KNDC1: variants seen among roughly 807,000 people sequenced by gnomAD.
KNDC1 encodes kinase non-catalytic C-lobe domain-containing protein 1.
In KNDC1, 106 loss-of-function variants were observed where a neutral mutation model predicts 172.8. The ratio of observed to expected loss-of-function variants is 0.61; its 90% CI spans 0.52 to 0.72. The LOEUF (loss-of-function observed/expected upper bound fraction) is 0.72. Among genes scored for constraint, KNDC1 ranks in the 30% least tolerant of loss-of-function variants. The pLI, the probability that KNDC1 is intolerant of heterozygous loss-of-function variation, is 0.00. For synonymous variants in KNDC1, 1,083 were observed against 1,062.2 expected, an observed-to-expected ratio of 1.02 and a Z score of -0.38; for missense variants, 2,325 against 2,394.5, an observed-to-expected ratio of 0.97 and a Z score of 0.61.
rs552717419 is a variant in KNDC1 at position 133,181,167 on chromosome 10, C to T, written c.361-2177C>T. ...ACATGGGGCACCCACTGACGCCACACGGGGCACCCACAGATGCCACATGGG... is the reference window on the plus strand; with the variant it reads ...ACATGGGGCACCCACTGACGCCACATGGGGCACCCACAGATGCCACATGGG... On this transcript the variant is annotated intron_variant, in intron 3 of 29. Coordinates refer to ENST00000304613, the MANE Select transcript of KNDC1 (RefSeq NM_152643.8). Among the ~76,000 whole-genome samples, 15 of 151,842 alleles carry T rather than the reference C, an allele frequency of 9.9e-5. 1 individual carries two copies. The South Asian group carries it at 1.0e-3, about 11-fold the overall frequency.
At position 133,211,551 on chromosome 10, in the gene KNDC1, G is replaced by A. The variant is rs775607226; in HGVS notation, c.4038G>A (p.Glu1346=). The change falls in exon 22 of 30, where the codon GAG becomes GAA. Residue 1346 remains glutamate (E), a synonymous_variant. Coordinates refer to ENST00000304613, the MANE Select transcript of KNDC1 (RefSeq NM_152643.8). ...ACAGCGGGCTGCTGGGGAAGCTAGA[G>A]GACTTCATCTCCTCCAAGGTGACAG... The part of the protein sequence containing the change: ...PRNSGLLGKL[E]DFISSKILPL... 2.2e-5 allele frequency: 35 copies of A among 1,613,760 alleles called. No individual in the cohort carries two copies. Among genetic ancestry groups the A allele is most frequent in the Admixed American group, 5.0e-5 (3 of 59,974 alleles).
At position 133,198,505 on chromosome 10, in the gene KNDC1, C is replaced by A. The variant is rs2135995857; in HGVS notation, c.2069+6C>A. ...CAGAACGCAAGTGTGGCCAGGTGAGCATCGTCCCCACACCCCGGAGCTGCT... is the reference window on the plus strand; with the variant it reads ...CAGAACGCAAGTGTGGCCAGGTGAGAATCGTCCCCACACCCCGGAGCTGCT... On this transcript the variant is annotated splice_donor_region_variant and intron_variant, in intron 13 of 29. Transcript: ENST00000304613. 1 of 1,596,884 alleles carries A rather than the reference C, an allele frequency of 6.3e-7. No homozygotes were observed. Among genetic ancestry groups the A allele is most frequent in the Non-Finnish European group, 8.6e-7 (1 of 1,168,964 alleles).
chr10:133,210,760 TC>T (rs1172737648), intron 21 of KNDC1, 36 bp downstream of exon 21: 2 of 1,532,834 alleles, frequency 1.3e-6, no homozygotes, highest in East Asian at 4.5e-5. Context: ...CGCCAGAGCT[TC>T]CCCCTGGGGC....
intron 1 of KNDC1, among the ~76,000 whole-genome samples, chr10:133,166,728 G>A (rs1045235354): frequency 3.3e-5 from 5 of 150,832 alleles, no homozygotes; most frequent in African/African-American, 1.2e-4. Context: ...GTGCTAGGTG[G>A]GTATGTTTGT....
intron 9 of KNDC1, among the ~76,000 whole-genome samples, chr10:133,193,160 AT>A (rs1854105518): frequency 6.6e-6 from 1 of 152,258 alleles, no homozygotes; most frequent in African/African-American, 2.4e-5. Flanking sequence ...GAGGAAGTGC[AT>A]AGCATTTTTT....
intron 17 of KNDC1, chr10:133,202,233 T>C (rs1447104340): frequency 3.3e-6 from 2 of 605,174 alleles, no homozygotes; most frequent in Non-Finnish European, 6.2e-6. Context: ...GTGTTTTCCG[T>C]GGGGCAGGCA....
At position 133,201,737 on chromosome 10, in the gene KNDC1, G is replaced by A. The variant is rs760843915; in HGVS notation, c.3226G>A (p.Gly1076Ser). Residue 1076 changes from glycine (G) to serine (S), a missense_variant, in exon 17 of 30, where the codon GGC becomes AGC. Coordinates refer to ENST00000304613, the MANE Select transcript of KNDC1 (RefSeq NM_152643.8). ...CCGACTGGCCAGGTCCAAAGGGGTC[G>A]GCCCAGCCTTGTCCCCCGGCCCAGC... The part of the protein sequence containing the change: ...VTRLARSKGV[G>S]PALSPGPAGF... 46 of 1,589,318 alleles carry A rather than the reference G, an allele frequency of 2.9e-5. No individual in the cohort carries two copies. The highest frequency in any genetic ancestry group is 3.4e-5 in the Non-Finnish European group (40 of 1,167,236).
At chr10:133,166,297 AC>A (rs1225045974) in intron 1 of KNDC1, among the ~76,000 whole-genome samples, 1 of 151,798 alleles carries the variant, frequency 6.6e-6, no homozygotes, top group Non-Finnish European at 1.5e-5. Flanking sequence ...GCCCCCGGCC[AC>A]CCCCTCCTAC....
intron 1 of KNDC1, among the ~76,000 whole-genome samples, chr10:133,161,964 C>G (rs1852987481): frequency 1.3e-5 from 2 of 152,168 alleles, no homozygotes. Flanking sequence ...TGTCTTTCTG[C>G]ACACTCCCCA....
intron 3 of KNDC1, chr10:133,179,411 G>A (rs756597719): frequency 6.6e-6 from 1 of 152,262 alleles, no homozygotes; most frequent in Non-Finnish European, 1.5e-5. Context: ...GTCACCTCAA[G>A]TCCACTGGAA....
At chr10:133,197,484 C>G (rs1323783652) in intron 11 of KNDC1, among the ~76,000 whole-genome samples, 191 bp from the exon 12 acceptor site, 1 of 152,196 alleles carries the variant, frequency 6.6e-6, no homozygotes, top group African/African-American at 2.4e-5. Flanking sequence ...GCTTGGGAGG[C>G]AAAGGAGCCC....
chr10:133,201,310 C>T (rs1053592407), intron 16 of KNDC1, among the ~76,000 whole-genome samples, 191 bp from the exon 17 acceptor site: 2 of 152,110 alleles, frequency 1.3e-5, no homozygotes, highest in Non-Finnish European at 2.9e-5. Context: ...CGGCCCCGTG[C>T]GGCAGTTCAG....
At chr10:133,177,580 G>A (rs1168387383) in intron 3 of KNDC1, among the ~76,000 whole-genome samples, 2 of 151,784 alleles carry the variant, frequency 1.3e-5, no homozygotes, top group Non-Finnish European at 2.9e-5. Flanking sequence ...TGCATGTGGT[G>A]TGTGTATCGG....
intron 5 of KNDC1, 30 bp downstream of exon 5, chr10:133,184,019 C>A: frequency 7.7e-7 from 1 of 1,295,104 alleles, no homozygotes; most frequent in Non-Finnish European, 1.1e-6. Context: ...CACGTGCATC[C>A]TCATGCACAT....
intron 9 of KNDC1, among the ~76,000 whole-genome samples, chr10:133,190,380 C>G (rs971325110): frequency 6.6e-6 from 1 of 150,708 alleles, no homozygotes. Flanking sequence ...ACACCCTGCA[C>G]TAAACACCCT....
intron 5 of KNDC1, 121 bp downstream of exon 5, chr10:133,184,110 C>CACACA: frequency 1.8e-6 from 1 of 550,918 alleles, no homozygotes; most frequent in Non-Finnish European, 3.2e-6. Flanking sequence ...CACACCCATA[C>CACACA]TGCACACACA....
At position 133,207,282 on chromosome 10, in the gene KNDC1, G is replaced by A; in HGVS notation, c.3725G>A (p.Gly1242Asp). 6.2e-7 allele frequency: 1 copy of A among 1,613,006 alleles called. No individual in the cohort carries two copies. The highest frequency in any genetic ancestry group is 1.7e-4 in the Middle Eastern group (1 of 6,056). ...TTCTACAACGTCAACAAGCACCCGG[G>A]CGGCCGGCAGAAGGCCCGCATCCTG... ...LIFYNVNKHPGGRQKARILQA... is the reference protein window; with the variant it reads ...LIFYNVNKHPDGRQKARILQA... The change falls in exon 20 of 30, where the codon GGC becomes GAC. Residue 1242 changes from glycine (G) to aspartate (D), a missense_variant. By Grantham distance (94) the Gly-to-Asp change is moderately conservative. Coordinates refer to ENST00000304613, the MANE Select transcript of KNDC1 (RefSeq NM_152643.8).
At chr10:133,189,937 G>A (rs1854033362) in intron 9 of KNDC1, 124 bp downstream of exon 9, 1 of 800,918 alleles carries the variant, frequency 1.2e-6, no homozygotes, top group South Asian at 1.5e-5. Flanking sequence ...TCCTGGCCAG[G>A]CGGCCACAGG....
At position 133,195,791 on chromosome 10, in the gene KNDC1, G is replaced by A. The variant is rs148476238; in HGVS notation, c.1704G>A (p.Pro568=). The A allele has an allele frequency of 8.4e-4, 1,339 of 1,589,668 alleles. No homozygotes were observed. The highest frequency in any genetic ancestry group is 1.1e-3 in the Non-Finnish European group (1,259 of 1,168,770). The part of the protein sequence containing the change: ...LLLDMARRSA[P]ERPSAAEAIK... Reference sequence around the variant, plus strand: ...TGGACATGGCCAGGCGCAGTGCCCCGGAGCGGCCGTCCGCGGCTGAGGCCA... The same window carrying A: ...TGGACATGGCCAGGCGCAGTGCCCCAGAGCGGCCGTCCGCGGCTGAGGCCA... Residue 568 remains proline (P), a synonymous_variant, in exon 10 of 30, where the codon CCG becomes CCA. Transcript: ENST00000304613.
Sources: gnomAD v4.1 joint callset for allele counts (sites outside exome capture counted in the v4.1 genomes callset) on GRCh38, gnomAD v4.1.1 for gene constraint, MANE v1.5 for transcripts, NCBI Gene and HGNC (gene_info 2026-07-23, HGNC 2026-07-21) for gene names.